FOXA3: variants seen among roughly 807,000 people sequenced by gnomAD.
FOXA3 encodes the protein hepatocyte nuclear factor 3-gamma.
In FOXA3, 11 loss-of-function variants were observed where a neutral mutation model predicts 16.9. That is an observed-to-expected ratio of 0.65 (90% confidence interval 0.41 to 1.08). The LOEUF is 1.08. FOXA3 is among the 50% of genes least tolerant of loss of function. The pLI, the probability that FOXA3 is intolerant of heterozygous loss-of-function variation, is 0.00. For synonymous variants in FOXA3, 217 were observed against 203.3 expected (o/e 1.07, Z -0.57); for missense variants, 423 against 470.1 (o/e 0.90, Z 0.93).
intron 1 of FOXA3, among the ~76,000 whole-genome samples, 162 bp from the exon 2 acceptor site, chr19:45,871,913 G>A (rs1966907970): frequency 6.6e-6 from 1 of 152,102 alleles, no homozygotes; most frequent in South Asian, 2.1e-4. Flanking sequence ...AGGGAGTGAG[G>A]AGAGACCTTG....
chr19:45,865,379 T>G (rs1972075045), intron 1 of FOXA3, among the ~76,000 whole-genome samples: 1 of 152,048 alleles, frequency 6.6e-6, no homozygotes, highest in Non-Finnish European at 1.5e-5. Flanking sequence ...TGGCGGCATA[T>G]TCTAATCCCC....
intron 1 of FOXA3, among the ~76,000 whole-genome samples, chr19:45,870,961 A>C (rs1366041139): frequency 6.6e-6 from 1 of 151,890 alleles, no homozygotes; most frequent in Non-Finnish European, 1.5e-5. Flanking sequence ...TGTGCGGTGC[A>C]TGCCTATAAT....
intron 1 of FOXA3, among the ~76,000 whole-genome samples, chr19:45,866,436 T>G (rs1409796423): frequency 6.6e-6 from 1 of 151,750 alleles, no homozygotes; most frequent in East Asian, 1.9e-4. Context: ...AGAGGGACAG[T>G]CTGGAGGTAA....
At chr19:45,867,953 A>G (rs1362328461) in intron 1 of FOXA3, among the ~76,000 whole-genome samples, 1 of 146,636 alleles carries the variant, frequency 6.8e-6, no homozygotes, top group African/African-American at 2.5e-5. Context: ...GGAAAGAAAG[A>G]TGGGAGAGGA....
At chr19:45,869,538 T>C (rs911963377) in intron 1 of FOXA3, among the ~76,000 whole-genome samples, 1 of 152,200 alleles carries the variant, frequency 6.6e-6, no homozygotes, top group Non-Finnish European at 1.5e-5. Flanking sequence ...CGTGTTCCAT[T>C]GACCTAGGAT....
chr19:45,864,427 C>G lies in FOXA3; in HGVS notation c.-30C>G. ...GCGCTCCGTTCCCCCGGGGCCGGAG[C>G]GGGGGCGGGTGGGGGCGTAAGCCCG... On this transcript the variant is annotated 5_prime_UTR_variant, in exon 1 of 2. Coordinates refer to ENST00000302177, the MANE Select transcript of FOXA3 (RefSeq NM_004497.3). The G allele has an allele frequency of 7.2e-7, 1 of 1,381,864 alleles. No homozygotes were observed. Among genetic ancestry groups the G allele is most frequent in the Non-Finnish European group, 9.5e-7 (1 of 1,050,400 alleles). 85.6% of individuals were successfully genotyped at this position (1,381,864 alleles called of 1,614,324 possible). A position where few individuals can be genotyped will look rare whatever the true frequency, so the allele number is the denominator to read the frequency against.
chr19:45,866,203 G>C (rs1208413239), intron 1 of FOXA3, among the ~76,000 whole-genome samples: 3 of 152,022 alleles, frequency 2.0e-5, no homozygotes, highest in African/African-American at 7.3e-5. Flanking sequence ...CTTGAGCCCA[G>C]GAGTTTGAGG....
At position 45,872,608 on chromosome 19, in the gene FOXA3, T is replaced by C; in HGVS notation, c.603T>C (p.Phe201=). Residue 201 remains phenylalanine (F), a synonymous_variant, in exon 2 of 2, where the codon TTT becomes TTC. Transcript: ENST00000302177. This position sits in a 1 kb window ranked among gnomAD's most constrained non-coding sequence, Gnocchi z 4.5. ...WALHPSSGNM[F]ENGCYLRRQK... ...TACACCCCAGCTCAGGGAACATGTT[T>C]GAGAATGGCTGCTACCTGCGCCGCC... The C allele has an allele frequency of 6.2e-7, 1 of 1,614,088 alleles. No homozygotes were observed. The highest frequency in any genetic ancestry group is 1.1e-5 in the South Asian group (1 of 91,084).
chr19:45,870,672 C>T (rs556819902), intron 1 of FOXA3, among the ~76,000 whole-genome samples: 3 of 150,738 alleles, frequency 2.0e-5, no homozygotes, highest in East Asian at 3.9e-4. Flanking sequence ...TGGGCTCAAG[C>T]GATCCTCCTG....
At position 45,864,391 on chromosome 19, in the gene FOXA3, A is replaced by C; in HGVS notation, c.-66A>C. 3 of 1,259,286 alleles carry C rather than the reference A, an allele frequency of 2.4e-6. No individual in the cohort carries two copies. Among genetic ancestry groups the C allele is most frequent in the African/African-American group, 1.6e-5 (1 of 64,082 alleles). 78.0% of individuals were successfully genotyped at this position (1,259,286 alleles called of 1,614,324 possible). A position where few individuals can be genotyped will look rare whatever the true frequency, so the allele number is the denominator to read the frequency against. On this transcript the variant is annotated 5_prime_UTR_variant, in exon 1 of 2. Coordinates refer to ENST00000302177, the MANE Select transcript of FOXA3 (RefSeq NM_004497.3). ...GTGGGAGCTCGGGCCGTGCCCGCTG[A>C]GAGATCCAGAGCGCTCCGTTCCCCC... is the stretch of plus-strand genomic sequence containing the variant.
chr19:45,867,123 G>A (rs8103278), intron 1 of FOXA3, among the ~76,000 whole-genome samples: 49,197 of 151,754 alleles, frequency 0.32, 8,116 homozygotes, highest in Non-Finnish European at 0.35. Flanking sequence ...GAGGACTTCC[G>A]GGTGGGTGGG....
rs1364734498 is a variant in FOXA3 at position 45,872,150 on chromosome 19, C to T, written c.145C>T (p.Pro49Ser). ...CATGACCCTGAATCCTCTAAGCTCT[C>T]CCTATCCCCCTGGGGGGCTCCCTGC... is the stretch of plus-strand genomic sequence containing the variant. ...SYMTLNPLSS[P>S]YPPGGLPASP... The change falls in exon 2 of 2, where the codon CCC (proline) becomes TCC (serine). Residue 49 changes from proline to serine, a missense_variant. By Grantham distance (74) the Pro-to-Ser change is moderately conservative. Transcript: ENST00000302177. This position sits in a 1 kb window ranked among gnomAD's most constrained non-coding sequence, Gnocchi z 4.5. The T allele has an allele frequency of 3.1e-6, 5 of 1,592,224 alleles. No individual in the cohort carries two copies. The South Asian group carries it at 5.7e-5, about 18-fold the overall frequency.
intron 1 of FOXA3, among the ~76,000 whole-genome samples, chr19:45,867,475 A>G (rs936182301): frequency 6.6e-6 from 1 of 150,958 alleles, no homozygotes; most frequent in Non-Finnish European, 1.5e-5. Context: ...ATGGATGGAT[A>G]GATAGATTGA....
At position 45,872,725 on chromosome 19, in the gene FOXA3, C is replaced by T; in HGVS notation, c.720C>T (p.Thr240=). The T allele has an allele frequency of 6.2e-7, 1 of 1,603,020 alleles. No homozygotes were observed. The highest frequency in any genetic ancestry group is 8.5e-7 in the Non-Finnish European group (1 of 1,175,286). ...ACGGGACAGGGTCTGCTGCCTCGAC[C>T]ACCACCCCCGCGGCCACAGTCACCT... ...TRNGTGSAAS[T]TTPAATVTSP... The change falls in exon 2 of 2, where the codon ACC becomes ACT. Residue 240 remains threonine, a synonymous_variant. Coordinates refer to ENST00000302177, the MANE Select transcript of FOXA3 (RefSeq NM_004497.3). The surrounding 1 kb of genome is among the most constrained non-coding windows in gnomAD (Gnocchi z 4.5).
intron 1 of FOXA3, among the ~76,000 whole-genome samples, chr19:45,870,945 G>T (rs1966898462): frequency 6.6e-6 from 1 of 151,790 alleles, no homozygotes; most frequent in Non-Finnish European, 1.5e-5. Flanking sequence ...AAAAAAATTA[G>T]CTGGGTGTGC....
intron 1 of FOXA3, among the ~76,000 whole-genome samples, chr19:45,866,134 C>G (rs186023560): frequency 2.0e-5 from 3 of 152,100 alleles, no homozygotes; most frequent in African/African-American, 7.2e-5. Context: ...GAAGGAAAGC[C>G]GGCACAGTGG....
In FOXA3 at chr19:45,872,131, C is replaced by G. The variant is rs757817912; in HGVS notation, c.126C>G (p.Thr42=). ...PTMAPLNSYM[T]LNPLSSPYPP... ...TGGCCCCCCTCAACTCCTACATGAC[C>G]CTGAATCCTCTAAGCTCTCCCTATC... Residue 42 remains threonine (T), a synonymous_variant, in exon 2 of 2, where the codon ACC becomes ACG. Coordinates refer to ENST00000302177, the MANE Select transcript of FOXA3 (RefSeq NM_004497.3). The surrounding 1 kb of genome is among the most constrained non-coding windows in gnomAD (Gnocchi z 4.5). The G allele has an allele frequency of 4.0e-5, 64 of 1,601,002 alleles. No individual in the cohort carries two copies. The highest frequency in any genetic ancestry group is 5.2e-5 in the Non-Finnish European group (61 of 1,174,002).
chr19:45,865,670 G>A (rs989934814), intron 1 of FOXA3, among the ~76,000 whole-genome samples: 4 of 152,092 alleles, frequency 2.6e-5, no homozygotes, highest in African/African-American at 4.8e-5. Flanking sequence ...TGAGTCTTGG[G>A]TCTGGGGCTC....
chr19:45,872,643 T>G lies in FOXA3; in HGVS notation c.638T>G (p.Phe213Cys), dbSNP rs1214512232. The G allele has an allele frequency of 6.2e-7, 1 of 1,613,700 alleles. No homozygotes were observed. Among genetic ancestry groups the G allele is most frequent in the Non-Finnish European group, 8.5e-7 (1 of 1,179,810 alleles). ...NGCYLRRQKR[F>C]KLEEKVKKGG... is the part of the protein sequence containing the mutation. ...TGCTACCTGCGCCGCCAGAAACGCTTCAAGCTGGAGGAGAAGGTGAAAAAA... is the reference window on the plus strand; with the variant it reads ...TGCTACCTGCGCCGCCAGAAACGCTGCAAGCTGGAGGAGAAGGTGAAAAAA... Residue 213 changes from phenylalanine to cysteine, a missense_variant, in exon 2 of 2, where the codon TTC becomes TGC. Phe to Cys is a radical substitution (Grantham distance 205, BLOSUM62 -2). Transcript: ENST00000302177. The surrounding 1 kb of genome is among the most constrained non-coding windows in gnomAD (Gnocchi z 4.5).
Sources: allele counts gnomAD v4.1 joint callset (sites outside exome capture counted in the v4.1 genomes callset), GRCh38; gene constraint gnomAD v4.1.1; non-coding constraint Gnocchi (gnomAD v3.1); transcripts MANE v1.5; gene names NCBI Gene and HGNC (gene_info 2026-07-23, HGNC 2026-07-21).